The following COL5A2 variants were observed in gnomAD, a reference collection of about 807,000 sequenced individuals.
The protein encoded by COL5A2 is collagen alpha-2(V) chain.
A neutral mutation model predicts 208.2 loss-of-function variants in COL5A2; 23 were observed. The observed-to-expected ratio is 0.11, with a 90% CI of 0.08 to 0.16. The LOEUF is 0.16. Among genes scored for constraint, COL5A2 ranks in the 10% least tolerant of loss-of-function variants. The pLI, the probability that COL5A2 is intolerant of heterozygous loss-of-function variation, is 1.00. For synonymous variants in COL5A2, 625 were observed against 628.5 expected (o/e 0.99, Z 0.08); for missense variants, 1,590 against 1,956.4 (o/e 0.81, Z 3.53).
the COL5A2 span, among the ~76,000 whole-genome samples, chr2:189,245,615 G>C: frequency 1.3e-5 from 2 of 151,710 alleles, no homozygotes; most frequent in South Asian, 2.1e-4. Context: ...CTCCCGAGTA[G>C]CTGGGACTAC....
At chr2:189,188,703 C>A (rs1688884647) in intron 1 of COL5A2, among the ~76,000 whole-genome samples, 1 of 152,154 alleles carries the variant, frequency 6.6e-6, no homozygotes, top group African/African-American at 2.4e-5. Context: ...TGCTCCACGT[C>A]CTGCTTTTAA....
chr2:189,273,372 G>A, the COL5A2 span, among the ~76,000 whole-genome samples: 1 of 152,048 alleles, frequency 6.6e-6, no homozygotes, highest in Admixed American at 6.6e-5. Context: ...CAGGGATGTG[G>A]AGAAAAGGGA....
At chr2:189,405,374 G>C in the COL5A2 span, among the ~76,000 whole-genome samples, 1 of 152,020 alleles carries the variant, frequency 6.6e-6, no homozygotes, top group Non-Finnish European at 1.5e-5. Flanking sequence ...TGGGATTACA[G>C]GTGCCAGCTA....
the COL5A2 span, among the ~76,000 whole-genome samples, chr2:189,302,954 A>G: frequency 6.6e-6 from 1 of 152,228 alleles, no homozygotes; most frequent in Admixed American, 6.5e-5. Flanking sequence ...GCTTCCTTTA[A>G]GTGAAGAGAT....
chr2:189,225,561 T>C (rs752425397), upstream of COL5A2, among the ~76,000 whole-genome samples: 1 of 152,106 alleles, frequency 6.6e-6, no homozygotes, highest in Non-Finnish European at 1.5e-5. Flanking sequence ...AAATGAAAAA[T>C]CTGGTGAGGG....
chr2:189,391,666 G>A, the COL5A2 span, among the ~76,000 whole-genome samples: 1 of 152,084 alleles, frequency 6.6e-6, no homozygotes. Flanking sequence ...TTAGAAGGAA[G>A]TCATTCCTTC....
chr2:189,318,706 T>C, the COL5A2 span, among the ~76,000 whole-genome samples: 1 of 152,366 alleles, frequency 6.6e-6, no homozygotes, highest in Admixed American at 6.5e-5. Flanking sequence ...ACAACTTTTA[T>C]TTTAGTTAAT....
intron 25 of COL5A2, 114 bp from the exon 26 acceptor site, chr2:189,064,147 A>C: frequency 1.2e-6 from 1 of 831,776 alleles, no homozygotes; most frequent in Non-Finnish European, 2.0e-6. Flanking sequence ...ACATTTCTGT[A>C]AATCAAATAA....
At chr2:189,061,039 A>G (rs931451400) in intron 30 of COL5A2, among the ~76,000 whole-genome samples, 1 of 152,188 alleles carries the variant, frequency 6.6e-6, no homozygotes, top group Non-Finnish European at 1.5e-5. Context: ...AGATAATGTA[A>G]CAGGAGCTTC....
chr2:189,336,874 T>A, the COL5A2 span, among the ~76,000 whole-genome samples: 1 of 152,134 alleles, frequency 6.6e-6, no homozygotes. Context: ...TAAATAAACA[T>A]AAAAAAACGT....
intron 2 of COL5A2, among the ~76,000 whole-genome samples, chr2:189,105,636 C>G (rs1687133951): frequency 6.6e-6 from 1 of 151,254 alleles, no homozygotes; most frequent in Admixed American, 6.6e-5. Flanking sequence ...AACATTTCTA[C>G]TTTGCTCATT....
intron 18 of COL5A2, among the ~76,000 whole-genome samples, chr2:189,069,324 T>C (rs1015461827): frequency 1.3e-5 from 2 of 152,222 alleles, no homozygotes; most frequent in African/African-American, 2.4e-5. Flanking sequence ...AAGATAGTCT[T>C]AAATATCTTT....
chr2:189,034,902 C>T lies in COL5A2; in HGVS notation c.4353+14G>A. 6.2e-7 allele frequency: 1 copy of T among 1,613,702 alleles called. No homozygotes were observed. The highest frequency in any genetic ancestry group is 8.5e-7 in the Non-Finnish European group (1 of 1,179,790). ...TTTCCTCAACCAGATCAATGTAGAT[C>T]AAAAAGTACTTACAGAGCAAGTGTC... On this transcript the variant is annotated intron_variant, in intron 53 of 53. Transcript: ENST00000374866.
chr2:189,308,889 T>C, the COL5A2 span, among the ~76,000 whole-genome samples: 3 of 152,144 alleles, frequency 2.0e-5, no homozygotes, highest in Non-Finnish European at 4.4e-5. Context: ...CTGACCACCT[T>C]GGGCACATGT....
intron 1 of COL5A2, among the ~76,000 whole-genome samples, chr2:189,149,816 T>A (rs966494709): frequency 2.6e-5 from 4 of 152,202 alleles, no homozygotes; most frequent in African/African-American, 9.6e-5. Context: ...ACCTCCAGAA[T>A]AAAAACACTG....
chr2:189,164,512 G>GA (rs1688429231), intron 1 of COL5A2, among the ~76,000 whole-genome samples: 1 of 151,434 alleles, frequency 6.6e-6, no homozygotes, highest in Non-Finnish European at 1.5e-5. Context: ...ATATGATTTT[G>GA]AAAAAATACA....
At chr2:189,412,518 C>T in the COL5A2 span, among the ~76,000 whole-genome samples, 1 of 152,136 alleles carries the variant, frequency 6.6e-6, no homozygotes, top group Non-Finnish European at 1.5e-5. Context: ...TGCAAACCTG[C>T]AAAAATAATG....
the COL5A2 span, among the ~76,000 whole-genome samples, chr2:189,246,834 A>G: frequency 6.6e-6 from 1 of 152,332 alleles, no homozygotes; most frequent in African/African-American, 2.4e-5. Flanking sequence ...GGTTGAAGAC[A>G]CAGCCTGAAG....
At position 189,052,326 on chromosome 2, in the gene COL5A2, T is replaced by C. The variant is rs529768889; in HGVS notation, c.2716-101A>G. On this transcript the variant is annotated intron_variant, in intron 40 of 53. Transcript: ENST00000374866. ...TCACAGGAAGACTGAAGCCTTTAGATTTCCTTTCATGTTGTAAGCAATATT... is the reference window on the plus strand; with the variant it reads ...TCACAGGAAGACTGAAGCCTTTAGACTTCCTTTCATGTTGTAAGCAATATT... The C allele has an allele frequency of 4.6e-6, 5 of 1,096,100 alleles. No homozygotes were observed. The East Asian group carries it at 9.6e-5, about 21-fold the overall frequency. The allele number at this position is 1,096,100 out of a possible 1,614,324, so 67.9% of individuals were successfully genotyped here.
Sources: allele counts gnomAD v4.1 joint callset (sites outside exome capture counted in the v4.1 genomes callset), GRCh38; gene constraint gnomAD v4.1.1; transcripts MANE v1.5; gene names NCBI Gene and HGNC (gene_info 2026-07-23, HGNC 2026-07-21).